Variants in ZFHX3 observed in about 807,000 individuals in gnomAD.
ZFHX3 encodes the protein zinc finger homeobox 3, also known as zinc finger homeobox protein 3.
Under a neutral mutation model 279.1 loss-of-function variants are expected in ZFHX3, and 42 were observed. The ratio of observed to expected loss-of-function variants is 0.15; its 90% CI spans 0.12 to 0.19. ZFHX3 has a LOEUF of 0.19. ZFHX3 is among the 10% of genes least tolerant of loss of function. The pLI, the probability that ZFHX3 is intolerant of heterozygous loss-of-function variation, is 1.00. For synonymous variants in ZFHX3, 2,293 were observed against 1,957.8 expected, an observed-to-expected ratio of 1.17 and a Z score of -4.52; for missense variants, 4,981 against 4,754.0, an observed-to-expected ratio of 1.05 and a Z score of -1.40.
intron 1 of ZFHX3, among the ~76,000 whole-genome samples, chr16:73,854,364 A>G (rs1410186605): frequency 1.3e-5 from 2 of 152,028 alleles, no homozygotes; most frequent in East Asian, 3.9e-4. Context: ...CGCCTCTACT[A>G]AAAAATACAA....
chr16:73,605,303 G>C (rs1251472782), intron 2 of ZFHX3, among the ~76,000 whole-genome samples: 1 of 152,190 alleles, frequency 6.6e-6, no homozygotes, highest in Non-Finnish European at 1.5e-5. Flanking sequence ...GAAGGAGTAA[G>C]AAATTAAACA....
intron 1 of ZFHX3, among the ~76,000 whole-genome samples, chr16:73,041,324 C>G (rs141731395): frequency 6.6e-6 from 1 of 152,174 alleles, no homozygotes; most frequent in East Asian, 1.9e-4. Flanking sequence ...TGTAAAAGTT[C>G]TCTGCTTTCC....
At chr16:72,905,813 G>A (rs1025088658) in intron 3 of ZFHX3, among the ~76,000 whole-genome samples, 1 of 152,228 alleles carries the variant, frequency 6.6e-6, no homozygotes, top group Non-Finnish European at 1.5e-5. Context: ...CGATGAGTCA[G>A]AATGAGGGGG....
chr16:73,789,707 TAC>T (rs1188389318), intron 1 of ZFHX3, among the ~76,000 whole-genome samples: 1 of 152,178 alleles, frequency 6.6e-6, no homozygotes, highest in Non-Finnish European at 1.5e-5. Flanking sequence ...GCAGCAATTG[TAC>T]AGTCAAACCG....
chr16:73,055,715 CACACACAT>C (rs1567653025), intron 1 of ZFHX3, among the ~76,000 whole-genome samples: 5 of 143,242 alleles, frequency 3.5e-5, no homozygotes, highest in Non-Finnish European at 8.0e-5. Flanking sequence ...CACACACACA[CACACACAT>C]ACACACACAC....
At chr16:73,287,917 A>C (rs1244290014) in intron 4 of ZFHX3, among the ~76,000 whole-genome samples, 2 of 151,916 alleles carry the variant, frequency 1.3e-5, no homozygotes, top group Non-Finnish European at 2.9e-5. Flanking sequence ...CAGCAGGCTC[A>C]TGAAAATCCA....
chr16:73,596,990 G>A (rs898275826), intron 2 of ZFHX3, among the ~76,000 whole-genome samples: 14 of 152,302 alleles, frequency 9.2e-5, no homozygotes, highest in African/African-American at 2.9e-4. Context: ...AGAGGTTTTA[G>A]CTAGGCATTG....
chr16:73,258,029 C>A (rs1024977590), intron 4 of ZFHX3, among the ~76,000 whole-genome samples: 7 of 152,180 alleles, frequency 4.6e-5, no homozygotes, highest in African/African-American at 1.7e-4. Context: ...GTTATGACAA[C>A]CAAACAGGTC....
At position 72,784,257 on chromosome 16, in the gene ZFHX3, AAAAAAACAAAAAC is replaced by A. The variant is rs2035253495; in HGVS notation, c.*2894_*2906del. ...GGATGGCATAGTAGCTCCATGAAAA[AAAAAAACAAAAAC>A]AAAAACAAAAACCCAAACCATCAGG... is the stretch of plus-strand genomic sequence containing the variant. On this transcript the variant is annotated 3_prime_UTR_variant, in exon 10 of 10. Transcript: ENST00000268489. 3 of 152,452 alleles carry A rather than the reference AAAAAAACAAAAAC, an allele frequency of 2.0e-5. No homozygotes were observed. The highest frequency in any genetic ancestry group is 2.1e-4 in the South Asian group (1 of 4,792). The allele number at this position is 152,452 out of a possible 1,614,324, so 9.4% of individuals were successfully genotyped here. A position where few individuals can be genotyped will look rare whatever the true frequency, so the allele number is the denominator to read the frequency against.
intron 4 of ZFHX3, among the ~76,000 whole-genome samples, chr16:72,849,453 A>G (rs1347306821): frequency 6.6e-6 from 1 of 152,172 alleles, no homozygotes; most frequent in Non-Finnish European, 1.5e-5. Context: ...CTGCCTGAAG[A>G]TGAGGCCACG....
At chr16:72,839,672 G>A (rs1019119973) in intron 4 of ZFHX3, among the ~76,000 whole-genome samples, 6 of 151,950 alleles carry the variant, frequency 3.9e-5, no homozygotes, top group Admixed American at 2.0e-4. Context: ...AGAAGGTCTC[G>A]ATGGAGTATT....
At chr16:73,434,287 C>T (rs1248852450) in intron 3 of ZFHX3, among the ~76,000 whole-genome samples, 1 of 152,148 alleles carries the variant, frequency 6.6e-6, no homozygotes, top group Admixed American at 6.5e-5. Flanking sequence ...TTAGTAAATA[C>T]AAGAGGATTG....
chr16:73,174,248 G>GGT (rs1226346580), intron 5 of ZFHX3, among the ~76,000 whole-genome samples: 3 of 150,278 alleles, frequency 2.0e-5, no homozygotes, highest in African/African-American at 7.4e-5. Flanking sequence ...AGGAATGGGT[G>GGT]GTGTGTGTGT....
intron 3 of ZFHX3, among the ~76,000 whole-genome samples, chr16:73,365,927 T>C (rs2016521768): frequency 6.6e-6 from 1 of 152,178 alleles, no homozygotes; most frequent in Admixed American, 6.5e-5. Flanking sequence ...GACCTGGGTC[T>C]GCTTGGTGAA....
intron 4 of ZFHX3, chr16:73,294,255 T>C (rs1244692141): frequency 1.3e-5 from 2 of 152,168 alleles, no homozygotes; most frequent in Non-Finnish European, 2.9e-5. Context: ...AAGGTGGGTG[T>C]CATCGGTTTC....
intron 1 of ZFHX3, among the ~76,000 whole-genome samples, chr16:73,685,783 C>T (rs1456640744): frequency 6.6e-6 from 1 of 152,186 alleles, no homozygotes; most frequent in Non-Finnish European, 1.5e-5. Context: ...AACCCTTGAG[C>T]AGGCTGAGAG....
At chr16:73,839,484 C>T (rs1450926807) in intron 1 of ZFHX3, among the ~76,000 whole-genome samples, 1 of 151,848 alleles carries the variant, frequency 6.6e-6, no homozygotes, top group Non-Finnish European at 1.5e-5. Context: ...GAAGATAATC[C>T]TTGCATTCCC....
chr16:73,419,259 C>T (rs1239254784), intron 3 of ZFHX3, among the ~76,000 whole-genome samples: 3 of 152,214 alleles, frequency 2.0e-5, no homozygotes, highest in Non-Finnish European at 4.4e-5. Context: ...CTGTCTCACT[C>T]ACCATTTGCA....
At chr16:73,174,143 T>C (rs1407978922) in intron 5 of ZFHX3, among the ~76,000 whole-genome samples, 3 of 152,072 alleles carry the variant, frequency 2.0e-5, no homozygotes, top group Non-Finnish European at 2.9e-5. Flanking sequence ...TTAACTTCAG[T>C]TTCTGGGTAG....
Sources: allele counts gnomAD v4.1 joint callset (sites outside exome capture counted in the v4.1 genomes callset), GRCh38; gene constraint gnomAD v4.1.1; transcripts MANE v1.5; gene names NCBI Gene and HGNC (gene_info 2026-07-23, HGNC 2026-07-21).